Variants in TMEM117 observed in about 807,000 individuals in gnomAD.
The protein encoded by TMEM117 is transmembrane protein 117.
TMEM117 carries 27 observed loss-of-function variants against 52.4 expected under a neutral mutation model. That is an observed-to-expected ratio of 0.51 (90% CI 0.38 to 0.71). The LOEUF is 0.71. Among genes scored for constraint, TMEM117 ranks in the 30% least tolerant of loss-of-function variants. The pLI is 0.00. For synonymous variants in TMEM117, 215 were observed against 206.3 expected (o/e 1.04, Z -0.36); for missense variants, 556 against 630.5 (o/e 0.88, Z 1.26).
chr12:43,896,617 TA>T (rs2137492353), intron 2 of TMEM117, among the ~76,000 whole-genome samples: 1 of 81,538 alleles, frequency 1.2e-5, no homozygotes, highest in East Asian at 5.3e-4. Flanking sequence ...TTGCCTGAAA[TA>T]AACACATTTT....
At chr12:44,130,457 C>G (rs1053503352) in intron 3 of TMEM117, among the ~76,000 whole-genome samples, 11 of 152,160 alleles carry the variant, frequency 7.2e-5, no homozygotes, top group Admixed American at 3.3e-4. Flanking sequence ...TACAACTTCT[C>G]TAACACCATA....
At chr12:44,379,564 G>C (rs1951991385) in intron 7 of TMEM117, among the ~76,000 whole-genome samples, 1 of 152,152 alleles carries the variant, frequency 6.6e-6, no homozygotes, top group Non-Finnish European at 1.5e-5. Flanking sequence ...TACTCTCTCT[G>C]TTTTGTTAAT....
At chr12:44,136,253 TC>T (rs1948488566) in intron 3 of TMEM117, among the ~76,000 whole-genome samples, 1 of 152,170 alleles carries the variant, frequency 6.6e-6, no homozygotes, top group Non-Finnish European at 1.5e-5. Context: ...GTATCATTTT[TC>T]TAATAACTTT....
At chr12:43,941,228 T>C (rs914930050) in intron 2 of TMEM117, among the ~76,000 whole-genome samples, 1 of 152,238 alleles carries the variant, frequency 6.6e-6, no homozygotes, top group Non-Finnish European at 1.5e-5. Context: ...GTATCCCTCT[T>C]AGTGATGTTT....
Position 43,928,841 on chromosome 12 carries a change from G to A in TMEM117, c.278-15369G>A, listed in dbSNP as rs192440260. 7.0e-3 allele frequency among the ~76,000 whole-genome samples: 1,057 copies of A among 150,094 alleles called. 12 individuals carry two copies. Among genetic ancestry groups the A allele is most frequent in the African/African-American group, 0.023 (940 of 40,758 alleles). On this transcript the variant is annotated intron_variant, in intron 2 of 7. Transcript: ENST00000266534. ...TTCCCACCTATGAGTGAGAATATGC[G>A]GTGTTTGGTTTTTTGTTCTTGCGAT...
At chr12:44,233,536 T>C (rs971589361) in intron 5 of TMEM117, among the ~76,000 whole-genome samples, 8 of 151,358 alleles carry the variant, frequency 5.3e-5, no homozygotes, top group African/African-American at 1.7e-4. Flanking sequence ...TCCAATAATA[T>C]GTTAAATATG....
intron 5 of TMEM117, among the ~76,000 whole-genome samples, chr12:44,238,987 C>T (rs1257607061): frequency 2.0e-5 from 3 of 152,104 alleles, no homozygotes; most frequent in Non-Finnish European, 1.5e-5. Flanking sequence ...AATCATGGCA[C>T]ATTGTGCATT....
chr12:44,286,283 TA>T (rs1318570563), intron 5 of TMEM117, among the ~76,000 whole-genome samples: 1 of 151,060 alleles, frequency 6.6e-6, no homozygotes, highest in Non-Finnish European at 1.5e-5. Flanking sequence ...AGAACATGAA[TA>T]ATAGTTAATG....
chr12:43,936,614 A>G (rs1366810612), intron 2 of TMEM117, among the ~76,000 whole-genome samples: 3 of 152,214 alleles, frequency 2.0e-5, no homozygotes, highest in Non-Finnish European at 4.4e-5. Context: ...GATGCCCAAA[A>G]TGGTGACTGA....
intron 5 of TMEM117, among the ~76,000 whole-genome samples, chr12:44,229,155 T>C (rs980281686): frequency 6.6e-6 from 1 of 152,026 alleles, no homozygotes; most frequent in Admixed American, 6.6e-5. Flanking sequence ...CATTTAGAGA[T>C]GGAAAAACTG....
chr12:44,256,326 A>G (rs1419146900), intron 5 of TMEM117, among the ~76,000 whole-genome samples: 1 of 152,004 alleles, frequency 6.6e-6, no homozygotes, highest in Non-Finnish European at 1.5e-5. Context: ...ATGGAATCTC[A>G]TTATTATATT....
At chr12:44,365,489 T>A (rs1015763598) in intron 6 of TMEM117, among the ~76,000 whole-genome samples, 4 of 152,006 alleles carry the variant, frequency 2.6e-5, no homozygotes, top group African/African-American at 9.7e-5. Context: ...ACAAAAGAAG[T>A]CTTTTCAATC....
At chr12:43,874,357 G>T (rs895549640) in intron 2 of TMEM117, among the ~76,000 whole-genome samples, 2 of 151,746 alleles carry the variant, frequency 1.3e-5, no homozygotes, top group African/African-American at 4.8e-5. Context: ...AAGGTGGGTG[G>T]ATCACTTGAG....
At chr12:44,286,260 AT>A (rs1950637113) in intron 5 of TMEM117, among the ~76,000 whole-genome samples, 1 of 151,440 alleles carries the variant, frequency 6.6e-6, no homozygotes, top group African/African-American at 2.4e-5. Context: ...GGAATCAAAG[AT>A]TATAAACATT....
At chr12:44,377,975 CT>C (rs1220259804) in intron 7 of TMEM117, among the ~76,000 whole-genome samples, 9 of 152,156 alleles carry the variant, frequency 5.9e-5, no homozygotes, top group Non-Finnish European at 1.2e-4. Context: ...ATTAAATTCA[CT>C]GGGTAAATCA....
At chr12:43,865,585 T>C (rs1306255466) in intron 2 of TMEM117, among the ~76,000 whole-genome samples, 8 of 151,684 alleles carry the variant, frequency 5.3e-5, no homozygotes, top group African/African-American at 1.7e-4. Context: ...TAATTCCAGC[T>C]ACTAGAGGGG....
intron 3 of TMEM117, among the ~76,000 whole-genome samples, chr12:44,094,356 G>C (rs115123204): frequency 0.013 from 1,973 of 152,154 alleles, 47 homozygotes; most frequent in African/African-American, 0.045. Context: ...GGACAGAAGT[G>C]AGTGGAATGA....
At chr12:43,802,402 A>T in the TMEM117 span, 2 of 1,606,710 alleles carry the variant, frequency 1.2e-6, no homozygotes, top group Non-Finnish European at 1.7e-6. Context: ...GGTAAAACAA[A>T]GGAATCATAA....
the TMEM117 span, among the ~76,000 whole-genome samples, chr12:43,827,552 A>G: frequency 6.6e-6 from 1 of 152,104 alleles, no homozygotes; most frequent in Admixed American, 6.6e-5. Flanking sequence ...ATTGGGGGGG[A>G]TATTTACAAA....
Sources: allele counts gnomAD v4.1 joint callset (sites outside exome capture counted in the v4.1 genomes callset), GRCh38; gene constraint gnomAD v4.1.1; transcripts MANE v1.5; gene names NCBI Gene and HGNC (gene_info 2026-07-23, HGNC 2026-07-21).